AGBL1: variants seen among roughly 807,000 people sequenced by gnomAD.
AGBL1 encodes the protein AGBL carboxypeptidase 1, also known as cytosolic carboxypeptidase 4.
AGBL1 carries 130 observed loss-of-function variants against 118.9 expected under a neutral mutation model. That is an observed-to-expected ratio of 1.09 (90% CI 0.95 to 1.26). The LOEUF is 1.26. Among genes scored for constraint, AGBL1 ranks in the 50% most tolerant of loss-of-function variants. The pLI is 0.00. For synonymous variants in AGBL1, 555 were observed against 478.9 expected, an observed-to-expected ratio of 1.16 and a Z score of -2.08; for missense variants, 1,584 against 1,298.1, an observed-to-expected ratio of 1.22 and a Z score of -3.38.
At chr15:86,219,515 G>C (rs1277189931) in intron 5 of AGBL1, among the ~76,000 whole-genome samples, 3 of 151,974 alleles carry the variant, frequency 2.0e-5, no homozygotes, top group Non-Finnish European at 2.9e-5. Flanking sequence ...CCAGAACCCA[G>C]AAGCAGAAAA....
chr15:87,029,436 C>G (rs1197777582), downstream of AGBL1, among the ~76,000 whole-genome samples: 1 of 151,788 alleles, frequency 6.6e-6, no homozygotes, highest in Non-Finnish European at 1.5e-5. Context: ...TGTGCTAATA[C>G]TTTATTCTTT....
intron 18 of AGBL1, among the ~76,000 whole-genome samples, chr15:86,422,218 G>A (rs774519133): frequency 6.6e-5 from 10 of 152,092 alleles, no homozygotes; most frequent in Non-Finnish European, 1.0e-4. Context: ...TGCAGCAAAC[G>A]CAAAAGAATG....
At position 86,244,226 on chromosome 15, in the gene AGBL1, G is replaced by A. The variant is rs185350444; in HGVS notation, c.527-3445G>A. On this transcript the variant is annotated intron_variant, in intron 6 of 22. Transcript: ENST00000614907. Reference sequence around the variant, plus strand: ...TATAGCAGAGCTGGTCTCTTCCAAAGAGGGGGACTTGAAGCCCTCTCACAT... The same window carrying A: ...TATAGCAGAGCTGGTCTCTTCCAAAAAGGGGGACTTGAAGCCCTCTCACAT... Among the ~76,000 whole-genome samples the A allele has an allele frequency of 3.9e-3, 597 of 152,190 alleles. 6 individuals are homozygous for A. Among genetic ancestry groups the A allele is most frequent in the African/African-American group, 0.013 (551 of 41,518 alleles).
chr15:86,446,433 C>T (rs537431434), intron 18 of AGBL1, among the ~76,000 whole-genome samples: 6 of 152,282 alleles, frequency 3.9e-5, no homozygotes, highest in African/African-American at 1.2e-4. Context: ...TAGAATTGCT[C>T]AAGTGAATGC....
At chr15:86,642,329 T>C (rs944619467) in intron 21 of AGBL1, among the ~76,000 whole-genome samples, 1 of 152,196 alleles carries the variant, frequency 6.6e-6, no homozygotes, top group Non-Finnish European at 1.5e-5. Context: ...TGCATCTCAT[T>C]CCCTGTCTTT....
At chr15:86,569,859 A>G (rs2083976853) in intron 21 of AGBL1, among the ~76,000 whole-genome samples, 1 of 152,226 alleles carries the variant, frequency 6.6e-6, no homozygotes, top group Non-Finnish European at 1.5e-5. Flanking sequence ...GGCACTTGGG[A>G]TAATCCTATG....
rs2078999002 is a variant in AGBL1, at chr15:86,262,080, T to TTTTTTTTTTTTTG, written c.970-686_970-685insGTTTTTTTTTTTT. ...CTGCTAGGCCTATGCATAGCTGGCT[T>TTTTTTTTTTTTTG]TTTTTTTTTTTTTTGCCATTTAGGT... is the stretch of plus-strand genomic sequence containing the variant. On this transcript the variant is annotated intron_variant, in intron 9 of 22. Coordinates refer to ENST00000614907, the MANE Select transcript of AGBL1 (RefSeq NM_001386094.1). 1.5e-5 allele frequency among the ~76,000 whole-genome samples: 2 copies of TTTTTTTTTTTTTG among 129,526 alleles called. 1 individual carries two copies. The highest frequency in any genetic ancestry group is 3.3e-5 in the Non-Finnish European group (2 of 59,904). The allele number at this position is 129,526 out of a possible 152,430, so 85.0% of individuals were successfully genotyped here.
chr15:86,867,510 C>A (rs913178046), intron 22 of AGBL1, among the ~76,000 whole-genome samples: 6 of 152,138 alleles, frequency 3.9e-5, no homozygotes, highest in African/African-American at 1.4e-4. Flanking sequence ...TTAAATTACA[C>A]TGGACGTGTT....
chr15:86,641,212 T>C (rs2085184203), intron 21 of AGBL1, among the ~76,000 whole-genome samples: 1 of 152,166 alleles, frequency 6.6e-6, no homozygotes, highest in Admixed American at 6.5e-5. Context: ...TCTTAAGTAA[T>C]ATTTATTCAG....
At chr15:86,821,957 G>T (rs1567191097) in intron 22 of AGBL1, among the ~76,000 whole-genome samples, 1 of 152,080 alleles carries the variant, frequency 6.6e-6, no homozygotes, top group Non-Finnish European at 1.5e-5. Context: ...TACCTGTGCT[G>T]GTCACCTTTC....
chr15:86,119,547 C>CCG (rs776457219), intron 1 of AGBL1, among the ~76,000 whole-genome samples: 7 of 152,104 alleles, frequency 4.6e-5, no homozygotes, highest in African/African-American at 1.7e-4. Context: ...TCTGCCCCCC[C>CCG]GGACCCATCA....
chr15:86,205,280 A>G (rs1263312293), intron 5 of AGBL1, among the ~76,000 whole-genome samples: 1 of 152,192 alleles, frequency 6.6e-6, no homozygotes, highest in Non-Finnish European at 1.5e-5. Context: ...TCATGGCTTG[A>G]TAGCTCATTT....
intron 8 of AGBL1, among the ~76,000 whole-genome samples, chr15:86,257,598 T>C (rs1380437701): frequency 6.6e-6 from 1 of 152,224 alleles, no homozygotes; most frequent in Non-Finnish European, 1.5e-5. Context: ...ATCAAGGTGA[T>C]ATTTAGGTTA....
intron 16 of AGBL1, among the ~76,000 whole-genome samples, chr15:86,283,564 A>G (rs2079390526): frequency 6.6e-6 from 1 of 152,146 alleles, no homozygotes; most frequent in African/African-American, 2.4e-5. Flanking sequence ...AGAATGCCAC[A>G]TGCACAATAT....
intron 22 of AGBL1, among the ~76,000 whole-genome samples, chr15:86,698,456 C>T (rs1476960879): frequency 1.3e-5 from 2 of 152,010 alleles, no homozygotes; most frequent in Non-Finnish European, 2.9e-5. Flanking sequence ...CGTTCTTTCC[C>T]TTCCCTATAC....
chr15:86,988,406 G>A (rs140439623), intron 24 of AGBL1: 4 of 191,300 alleles, frequency 2.1e-5, no homozygotes, highest in Non-Finnish European at 4.2e-5. Context: ...ATACACCAAG[G>A]TTTCATTGGT....
intron 22 of AGBL1, among the ~76,000 whole-genome samples, chr15:86,763,638 T>G (rs1313163940): frequency 6.6e-6 from 1 of 151,970 alleles, no homozygotes; most frequent in Non-Finnish European, 1.5e-5. Flanking sequence ...AGCTCTCACC[T>G]TTATTGGCCA....
chr15:86,290,237 T>C lies in AGBL1; in HGVS notation c.2221-5018T>C, dbSNP rs545008830. On this transcript the variant is annotated intron_variant, in intron 16 of 22. Transcript: ENST00000614907. ...TAGTAACCATATTTTTAGATAGTCA[T>C]TTAGATGTAAGCTTGTTTAACTGGG... Among the ~76,000 whole-genome samples, 26 of 152,218 alleles carry C rather than the reference T, an allele frequency of 1.7e-4. No homozygotes were observed. The East Asian group carries it at 2.9e-3, about 17-fold the overall frequency.
chr15:86,530,594 C>CT (rs2083335992), intron 19 of AGBL1, among the ~76,000 whole-genome samples: 1 of 150,740 alleles, frequency 6.6e-6, no homozygotes, highest in South Asian at 2.1e-4. Flanking sequence ...GAACTCAGCT[C>CT]TGCACCAAGC....
Sources: allele counts gnomAD v4.1 joint callset (sites outside exome capture counted in the v4.1 genomes callset), GRCh38; gene constraint gnomAD v4.1.1; transcripts MANE v1.5; gene names NCBI Gene and HGNC (gene_info 2026-07-23, HGNC 2026-07-21).